ZBED6: variants seen among roughly 807,000 people sequenced by gnomAD.
The protein encoded by ZBED6 is zinc finger BED-type containing 6.
ZBED6 carries 40 observed loss-of-function variants against 58.4 expected under a neutral mutation model. The observed-to-expected ratio is 0.68, with a 90% CI of 0.53 to 0.89. ZBED6 has a LOEUF of 0.89. Ranked by LOEUF, ZBED6 falls within the 40% of genes least tolerant of loss-of-function variation. ZBED6 has a pLI of 0.00. For missense variants in ZBED6, 1,057 were observed against 1,003.9 expected (o/e 1.05, Z -0.71); for synonymous variants, 439 against 350.6 (o/e 1.25, Z -2.82).
At chr1:203,828,226 T>C in intron 3 of ZBED6, 73 bp from the exon 4 acceptor site, 1 of 1,582,026 alleles carries the variant, frequency 6.3e-7, no homozygotes, top group South Asian at 1.1e-5. Context: ...GAACTTTGTC[T>C]AGAAAACAAA....
chr1:203,827,281 T>C (rs924485739), intron 3 of ZBED6, among the ~76,000 whole-genome samples: 1 of 152,188 alleles, frequency 6.6e-6, no homozygotes, highest in Admixed American at 6.5e-5. Context: ...GGAGAACTAA[T>C]GTATATATTT....
intron 15 of ZBED6, 22 bp from the exon 16 acceptor site, chr1:203,851,035 T>A: frequency 6.2e-7 from 1 of 1,613,204 alleles, no homozygotes; most frequent in Non-Finnish European, 8.5e-7. Context: ...CTCACTGAAT[T>A]ACCTGACTCT....
intron 11 of ZBED6, among the ~76,000 whole-genome samples, chr1:203,846,419 T>C (rs181555389): frequency 6.6e-6 from 1 of 152,334 alleles, no homozygotes; most frequent in Non-Finnish European, 1.5e-5. Context: ...TTCTATCTTG[T>C]CACCTGTTTT....
chr1:203,851,210 T>G (rs1291933146), intron 16 of ZBED6, 86 bp downstream of exon 16: 1 of 1,200,106 alleles, frequency 8.3e-7, no homozygotes, highest in African/African-American at 1.5e-5. Flanking sequence ...TAAATAACTT[T>G]AGCAACATTC....
chr1:203,850,763 C>G, intron 15 of ZBED6, 82 bp downstream of exon 15: 1 of 1,523,688 alleles, frequency 6.6e-7, no homozygotes, highest in Non-Finnish European at 8.9e-7. Context: ...AGCATTCTAT[C>G]TTGAGTATAT....
exon 17 of ZBED6, chr1:203,852,825 A>T (rs1329026557): frequency 5.6e-6 from 1 of 177,328 alleles, no homozygotes; most frequent in African/African-American, 2.4e-5. Flanking sequence ...AGCTGCTACC[A>T]TTAAGGACCA....
At position 203,852,129 on chromosome 1, in the gene ZBED6, T is replaced by G; in HGVS notation, c.*4874-12T>G. ...AAACGGCAGTTTTCTAATAATCTTT[T>G]TTTTCTTACAGTCTTGTGCTGCCTC... On this transcript the variant is annotated splice_polypyrimidine_tract_variant and intron_variant, in intron 16 of 16. Transcript: ENST00000550078. 1.2e-6 allele frequency: 2 copies of G among 1,613,250 alleles called. No individual in the cohort carries two copies. The highest frequency in any genetic ancestry group is 2.2e-5 in the East Asian group (1 of 44,880).
At chr1:203,843,390 T>C (rs1234013516) in intron 11 of ZBED6, among the ~76,000 whole-genome samples, 1 of 152,240 alleles carries the variant, frequency 6.6e-6, no homozygotes, top group Non-Finnish European at 1.5e-5. Flanking sequence ...CTTGTGAAAT[T>C]TGTATTAGAT....
chr1:203,805,380 C>T (rs1410914635), intron 1 of ZBED6, among the ~76,000 whole-genome samples: 1 of 152,068 alleles, frequency 6.6e-6, no homozygotes, highest in Non-Finnish European at 1.5e-5. Flanking sequence ...ATCTGCCTGC[C>T]TCAGCCTTTC....
chr1:203,799,089 G>C (rs891886076), exon 1 of ZBED6: 1 of 1,536,036 alleles, frequency 6.5e-7, no homozygotes, highest in Non-Finnish European at 8.7e-7. Context: ...TAGAAAGTGG[G>C]CAGTGCTTTG....
At chr1:203,807,377 C>T (rs567448069) in intron 1 of ZBED6, among the ~76,000 whole-genome samples, 2 of 152,288 alleles carry the variant, frequency 1.3e-5, no homozygotes, top group Middle Eastern at 3.4e-3. Context: ...CCTCAAACTC[C>T]TGGGCTCAAG....
intron 11 of ZBED6, among the ~76,000 whole-genome samples, chr1:203,846,166 G>T: frequency 6.7e-6 from 1 of 149,094 alleles, no homozygotes. Flanking sequence ...TTTTTGGGGG[G>T]GGGGTTCATT....
rs1449860904 is a variant in ZBED6, at chr1:203,851,140, T to C, written c.*4873+16T>C. On this transcript the variant is annotated intron_variant, in intron 16 of 16. Transcript: ENST00000550078. ...CTAGAGACAGGTAATACTTTGTAAT[T>C]CTTTCTAAACAAACTCCAGGCCCCT... The C allele has an allele frequency of 1.2e-6, 2 of 1,613,432 alleles. No individual in the cohort carries two copies. Among genetic ancestry groups the C allele is most frequent in the Non-Finnish European group, 1.7e-6 (2 of 1,179,752 alleles).
chr1:203,837,941 TAAAC>T (rs1258237384), intron 9 of ZBED6, 21 bp from the exon 10 acceptor site: 3 of 1,598,362 alleles, frequency 1.9e-6, no homozygotes, highest in Non-Finnish European at 2.6e-6. Flanking sequence ...CTTGAAATCT[TAAAC>T]TAAGTTCTCC....
intron 3 of ZBED6, among the ~76,000 whole-genome samples, chr1:203,824,586 A>G (rs1295322971): frequency 6.6e-6 from 1 of 152,168 alleles, no homozygotes; most frequent in African/African-American, 2.4e-5. Flanking sequence ...TTGGTTCACA[A>G]ATTGAGTCAC....
At chr1:203,847,740 G>A in intron 12 of ZBED6, 53 bp downstream of exon 12, 2 of 1,568,916 alleles carry the variant, frequency 1.3e-6, no homozygotes, top group East Asian at 2.2e-5. Flanking sequence ...TATTCCAGAG[G>A]AGTGTTCCGT....
intron 3 of ZBED6, among the ~76,000 whole-genome samples, chr1:203,824,124 C>T (rs1041545502): frequency 5.9e-5 from 9 of 151,910 alleles, no homozygotes; most frequent in African/African-American, 1.9e-4. Flanking sequence ...AAAAATTAGT[C>T]GGGCGTGGTG....
chr1:203,824,522 T>G (rs1679848032), intron 3 of ZBED6, among the ~76,000 whole-genome samples: 1 of 152,144 alleles, frequency 6.6e-6, no homozygotes, highest in African/African-American at 2.4e-5. Context: ...TACTTGGCCA[T>G]TCGTAGGCAT....
At chr1:203,796,748 A>T in exon 1 of ZBED6, 1 of 312,864 alleles carries the variant, frequency 3.2e-6, no homozygotes, top group Non-Finnish European at 5.8e-6. Context: ...GTCTAAAAAT[A>T]TCTGAAAACT....
Sources: allele counts gnomAD v4.1 joint callset (sites outside exome capture counted in the v4.1 genomes callset), GRCh38; gene constraint gnomAD v4.1.1; transcripts MANE v1.5; gene names NCBI Gene and HGNC (gene_info 2026-07-23, HGNC 2026-07-21).